Variants in ERBB4 observed in about 807,000 individuals in gnomAD.
ERBB4 encodes the protein erb-b2 receptor tyrosine kinase 4.
Under a neutral mutation model 158.0 loss-of-function variants are expected in ERBB4, and 42 were observed. The observed-to-expected ratio is 0.27, with a 90% CI of 0.21 to 0.34. The LOEUF (loss-of-function observed/expected upper bound fraction) is 0.34. Ranked by LOEUF, ERBB4 falls within the 10% of genes least tolerant of loss-of-function variation. The pLI is 1.00. For missense variants in ERBB4, 1,333 were observed against 1,624.1 expected, an observed-to-expected ratio of 0.82 and a Z score of 3.08; for synonymous variants, 583 against 558.7, an observed-to-expected ratio of 1.04 and a Z score of -0.61.
chr2:211,595,881 A>G (rs996304356), intron 19 of ERBB4, among the ~76,000 whole-genome samples: 1 of 152,198 alleles, frequency 6.6e-6, no homozygotes, highest in Non-Finnish European at 1.5e-5. Flanking sequence ...GTATCTGCAG[A>G]GGTCCTGGAA....
intron 15 of ERBB4, among the ~76,000 whole-genome samples, chr2:211,661,902 A>G (rs1026103019): frequency 2.7e-4 from 40 of 147,626 alleles, no homozygotes; most frequent in Non-Finnish European, 5.0e-4. Flanking sequence ...AGCCGGGCGT[A>G]GTGGCGGGCG....
intron 1 of ERBB4, among the ~76,000 whole-genome samples, chr2:212,380,919 T>C (rs1450617441): frequency 2.6e-5 from 4 of 151,280 alleles, no homozygotes; most frequent in Non-Finnish European, 5.9e-5. Flanking sequence ...CACAAAATCA[T>C]ATATTGGGTA....
chr2:211,697,650 G>T (rs776946675), intron 12 of ERBB4, among the ~76,000 whole-genome samples: 4 of 152,052 alleles, frequency 2.6e-5, no homozygotes, highest in Non-Finnish European at 5.9e-5. Flanking sequence ...TTTAAAAAAA[G>T]ATAAATTAAT....
intron 4 of ERBB4, among the ~76,000 whole-genome samples, chr2:211,759,235 A>G (rs1424923106): frequency 2.0e-5 from 3 of 152,226 alleles, no homozygotes; most frequent in East Asian, 3.9e-4. Flanking sequence ...CACCTGCACC[A>G]TTATCATTGT....
chr2:212,145,346 T>C (rs1215270488), intron 1 of ERBB4, among the ~76,000 whole-genome samples: 1 of 149,132 alleles, frequency 6.7e-6, no homozygotes, highest in Non-Finnish European at 1.5e-5. Flanking sequence ...TTTTACCTCA[T>C]GATTATACCA....
chr2:212,143,091 A>T (rs1309610085), intron 1 of ERBB4, among the ~76,000 whole-genome samples: 1 of 152,182 alleles, frequency 6.6e-6, no homozygotes, highest in Non-Finnish European at 1.5e-5. Context: ...TTTCAAATCA[A>T]ATTACATATT....
chr2:212,198,853 G>A (rs977890861), intron 1 of ERBB4, among the ~76,000 whole-genome samples: 2 of 151,372 alleles, frequency 1.3e-5, no homozygotes, highest in South Asian at 2.1e-4. Context: ...CAAAGGCTGG[G>A]ATTACAGACA....
At chr2:211,992,636 C>T (rs1049157450) in intron 2 of ERBB4, among the ~76,000 whole-genome samples, 3 of 151,430 alleles carry the variant, frequency 2.0e-5, no homozygotes, top group South Asian at 4.2e-4. Context: ...ATAGCCTTAG[C>T]TTAAGACTAG....
intron 1 of ERBB4, among the ~76,000 whole-genome samples, chr2:212,290,961 A>C (rs1414065546): frequency 3.3e-5 from 5 of 152,090 alleles, no homozygotes; most frequent in Non-Finnish European, 7.4e-5. Context: ...AAAAAATATT[A>C]ATTTAGTTAA....
chr2:212,092,515 G>C (rs1417584508), intron 2 of ERBB4, among the ~76,000 whole-genome samples: 2 of 152,098 alleles, frequency 1.3e-5, no homozygotes, highest in Non-Finnish European at 2.9e-5. Flanking sequence ...TTTATAGATC[G>C]AAGAGTGAAG....
intron 3 of ERBB4, among the ~76,000 whole-genome samples, chr2:211,829,832 A>G (rs181674549): frequency 6.6e-6 from 1 of 152,286 alleles, no homozygotes; most frequent in Non-Finnish European, 1.5e-5. Context: ...CTTATCGTCT[A>G]TATTTACAAA....
At chr2:212,321,913 A>C (rs2106267062) in intron 1 of ERBB4, among the ~76,000 whole-genome samples, 1 of 150,344 alleles carries the variant, frequency 6.7e-6, no homozygotes, top group East Asian at 2.0e-4. Context: ...TGTGTTATTA[A>C]AATGGCTACA....
At chr2:212,411,455 T>G (rs1255845085) in intron 1 of ERBB4, among the ~76,000 whole-genome samples, 1 of 152,148 alleles carries the variant, frequency 6.6e-6, no homozygotes, top group Non-Finnish European at 1.5e-5. Flanking sequence ...TAGATAAATA[T>G]TTATGGTGAT....
chr2:211,618,685 G>A (rs1438776698), intron 19 of ERBB4, among the ~76,000 whole-genome samples: 1 of 152,002 alleles, frequency 6.6e-6, no homozygotes, highest in Non-Finnish European at 1.5e-5. Context: ...TTGTAACAGT[G>A]TTTAGCACTT....
intron 19 of ERBB4, among the ~76,000 whole-genome samples, chr2:211,567,693 C>T (rs2067591042): frequency 6.6e-6 from 1 of 151,374 alleles, no homozygotes; most frequent in Non-Finnish European, 1.5e-5. Flanking sequence ...CATCACACTA[C>T]AAAGAGTATT....
At chr2:211,513,730 A>C (rs1337004710) in intron 20 of ERBB4, among the ~76,000 whole-genome samples, 5 of 152,094 alleles carry the variant, frequency 3.3e-5, no homozygotes, top group African/African-American at 1.2e-4. Context: ...ACCCCTGTCT[A>C]CGCTTTGTTA....
rs2105918402 is a variant in ERBB4 at position 211,665,322 on chromosome 2, C to A, written c.1871+1G>T. ...AGCCCTTGGCCAGCAAGAATGCTTA[C>A]CCTTGGGTGCAGTTTGGATGGCATG... is the stretch of plus-strand genomic sequence containing the variant. On this transcript the variant is annotated splice_donor_variant, in intron 15 of 27. Transcript: ENST00000342788. LOFTEE classifies it high-confidence loss of function. The A allele has an allele frequency of 6.2e-7, 1 of 1,613,992 alleles. No homozygotes were observed. Among genetic ancestry groups the A allele is most frequent in the Non-Finnish European group, 8.5e-7 (1 of 1,179,950 alleles).
intron 20 of ERBB4, among the ~76,000 whole-genome samples, chr2:211,557,328 A>T (rs1277330103): frequency 6.6e-6 from 1 of 152,218 alleles, no homozygotes; most frequent in Non-Finnish European, 1.5e-5. Flanking sequence ...GTGAAAAGAT[A>T]ACTTACAGAA....
At chr2:211,678,073 T>TAGCTTCTAC (rs2072158361) in intron 13 of ERBB4, among the ~76,000 whole-genome samples, 1 of 152,060 alleles carries the variant, frequency 6.6e-6, no homozygotes, top group African/African-American at 2.4e-5. Context: ...AGGTACTTAC[T>TAGCTTCTAC]AGCTTCTACT....
Sources: gnomAD v4.1 joint callset for allele counts (sites outside exome capture counted in the v4.1 genomes callset) on GRCh38, gnomAD v4.1.1 for gene constraint, MANE v1.5 for transcripts, NCBI Gene and HGNC (gene_info 2026-07-23, HGNC 2026-07-21) for gene names.